LYPLAL1: variants seen among roughly 807,000 people sequenced by gnomAD.
The protein encoded by LYPLAL1 is lysophospholipase-like protein 1.
Under a neutral mutation model 19.7 loss-of-function variants are expected in LYPLAL1, and 23 were observed. The observed-to-expected ratio is 1.17, with a 90% CI of 0.84 to 1.65. LYPLAL1 has a LOEUF of 1.65. LYPLAL1 is among the 40% of genes most tolerant of loss of function. The pLI is 0.00. For synonymous variants in LYPLAL1, 119 were observed against 96.3 expected (o/e 1.24, Z -1.38); for missense variants, 355 against 279.4 (o/e 1.27, Z -1.93).
the LYPLAL1 span, among the ~76,000 whole-genome samples, chr1:219,422,650 G>T: frequency 3.9e-5 from 6 of 152,122 alleles, no homozygotes; most frequent in Non-Finnish European, 5.9e-5. Context: ...AATAATGGGA[G>T]AGCAAAAACT....
At chr1:219,440,662 C>A in the LYPLAL1 span, among the ~76,000 whole-genome samples, 1 of 151,928 alleles carries the variant, frequency 6.6e-6, no homozygotes, top group African/African-American at 2.4e-5. Flanking sequence ...AGTTATTTAA[C>A]TATGTTGAAA....
chr1:219,395,517 G>A, the LYPLAL1 span, among the ~76,000 whole-genome samples: 3 of 152,046 alleles, frequency 2.0e-5, no homozygotes, highest in African/African-American at 7.2e-5. Flanking sequence ...CTGGATATTA[G>A]ACCTCTGTCA....
the LYPLAL1 span, among the ~76,000 whole-genome samples, chr1:219,276,724 G>A: frequency 6.6e-6 from 1 of 152,128 alleles, no homozygotes; most frequent in Non-Finnish European, 1.5e-5. Context: ...AATTCAGTTT[G>A]GCCCCATTTT....
chr1:219,367,935 T>C, the LYPLAL1 span, among the ~76,000 whole-genome samples: 1 of 125,936 alleles, frequency 7.9e-6, no homozygotes, highest in Non-Finnish European at 1.6e-5. Flanking sequence ...ACTTGATCTA[T>C]GGCTTTACAA....
At chr1:219,393,714 C>A in the LYPLAL1 span, among the ~76,000 whole-genome samples, 1 of 151,346 alleles carries the variant, frequency 6.6e-6, no homozygotes. Context: ...AACTGTTTTT[C>A]AGTAATTTAA....
chr1:219,399,034 C>G, the LYPLAL1 span, among the ~76,000 whole-genome samples: 1 of 152,150 alleles, frequency 6.6e-6, no homozygotes, highest in Admixed American at 6.5e-5. Context: ...TTTGCACATG[C>G]CAGCAGCAGC....
At chr1:219,397,724 A>G in the LYPLAL1 span, among the ~76,000 whole-genome samples, 4 of 152,172 alleles carry the variant, frequency 2.6e-5, no homozygotes, top group Non-Finnish European at 5.9e-5. Flanking sequence ...GTGCTTCTTC[A>G]GAAGCTCTTG....
At chr1:219,319,948 A>T in the LYPLAL1 span, among the ~76,000 whole-genome samples, 13 of 152,358 alleles carry the variant, frequency 8.5e-5, no homozygotes, top group East Asian at 2.5e-3. Flanking sequence ...GTCCCACCTG[A>T]ATATTCTGTG....
chr1:219,436,219 CTT>C, the LYPLAL1 span, among the ~76,000 whole-genome samples: 5 of 152,170 alleles, frequency 3.3e-5, no homozygotes, highest in Non-Finnish European at 7.4e-5. Flanking sequence ...GCTTTGGCCA[CTT>C]GGACATAAAA....
At chr1:219,238,122 CTTTT>C in the LYPLAL1 span, among the ~76,000 whole-genome samples, 4 of 103,894 alleles carry the variant, frequency 3.9e-5, no homozygotes, top group African/African-American at 7.4e-5. Context: ...TGGATCTAAA[CTTTT>C]TTTTTTTTTT....
the LYPLAL1 span, among the ~76,000 whole-genome samples, chr1:219,422,681 A>AGCCAGG: frequency 6.6e-6 from 1 of 152,220 alleles, no homozygotes; most frequent in Middle Eastern, 3.2e-3. Flanking sequence ...ATCAACTTAA[A>AGCCAGG]ATAATATTCA....
the LYPLAL1 span, among the ~76,000 whole-genome samples, chr1:219,230,014 CG>C: frequency 6.6e-6 from 1 of 152,108 alleles, no homozygotes; most frequent in Non-Finnish European, 1.5e-5. Flanking sequence ...CTTTTAGTCA[CG>C]TAAATAAAAA....
chr1:219,236,972 G>T, the LYPLAL1 span, among the ~76,000 whole-genome samples: 1 of 144,596 alleles, frequency 6.9e-6, no homozygotes, highest in Non-Finnish European at 1.5e-5. Context: ...GTAAGAGAAA[G>T]CACTTCAGTT....
the LYPLAL1 span, among the ~76,000 whole-genome samples, chr1:219,280,058 G>T: frequency 6.6e-6 from 1 of 152,174 alleles, no homozygotes; most frequent in East Asian, 1.9e-4. Flanking sequence ...AGAATAGAAT[G>T]AATATTACAT....
the LYPLAL1 span, among the ~76,000 whole-genome samples, chr1:219,438,411 T>C: frequency 6.6e-6 from 1 of 152,150 alleles, no homozygotes; most frequent in African/African-American, 2.4e-5. Context: ...ATTAAAGAGG[T>C]CTATAAAATA....
the LYPLAL1 span, among the ~76,000 whole-genome samples, chr1:219,319,468 C>T: frequency 6.6e-6 from 1 of 152,086 alleles, no homozygotes; most frequent in Non-Finnish European, 1.5e-5. Context: ...CAAAATAATG[C>T]CCCCAAAATC....
chr1:219,369,159 A>T, the LYPLAL1 span, among the ~76,000 whole-genome samples: 20 of 152,276 alleles, frequency 1.3e-4, no homozygotes, highest in Non-Finnish European at 1.8e-4. Flanking sequence ...AGACAATAAA[A>T]AAGACTACTT....
the LYPLAL1 span, among the ~76,000 whole-genome samples, chr1:219,289,462 C>A: frequency 3.3e-5 from 5 of 152,104 alleles, no homozygotes; most frequent in Admixed American, 2.6e-4. Context: ...ATTCACAATC[C>A]TTGTGCCTAA....
chr1:219,367,039 A>G, the LYPLAL1 span, among the ~76,000 whole-genome samples: 1 of 151,990 alleles, frequency 6.6e-6, no homozygotes, highest in South Asian at 2.1e-4. Context: ...CCCTTTTCCC[A>G]CTTGCCCCAG....
Sources: allele counts gnomAD v4.1 joint callset (sites outside exome capture counted in the v4.1 genomes callset), GRCh38; gene constraint gnomAD v4.1.1; transcripts MANE v1.5; gene names NCBI Gene and HGNC (gene_info 2026-07-23, HGNC 2026-07-21).